Variants in HERC6 observed in about 807,000 individuals in gnomAD.
HERC6 encodes probable E3 ubiquitin-protein ligase HERC6.
HERC6 carries 101 observed loss-of-function variants against 114.5 expected under a neutral mutation model. That is an observed-to-expected ratio of 0.88 (90% CI 0.75 to 1.04). The LOEUF is 1.04. HERC6 is among the 50% of genes least tolerant of loss of function. The pLI is 0.00. For missense variants in HERC6, 1,133 were observed against 1,230.9 expected (o/e 0.92, Z 1.19); for synonymous variants, 408 against 436.2 (o/e 0.94, Z 0.81).
intron 8 of HERC6, among the ~76,000 whole-genome samples, chr4:88,401,181 G>C (rs1409302091): frequency 6.6e-6 from 1 of 152,058 alleles, no homozygotes; most frequent in African/African-American, 2.4e-5. Context: ...ACTGCGAGAG[G>C]GTTTCTCATG....
intron 8 of HERC6, among the ~76,000 whole-genome samples, chr4:88,402,964 G>C (rs990712679): frequency 6.6e-6 from 1 of 152,192 alleles, no homozygotes; most frequent in African/African-American, 2.4e-5. Context: ...TCTTCTTCAA[G>C]AGGTCTTTTA....
intron 3 of HERC6, among the ~76,000 whole-genome samples, 182 bp from the exon 4 acceptor site, chr4:88,390,470 C>T (rs948167264): frequency 6.6e-6 from 1 of 152,110 alleles, no homozygotes; most frequent in Non-Finnish European, 1.5e-5. Context: ...CTGATTGCGA[C>T]AATCATTTAA....
At chr4:88,405,705 A>C (rs535524835) in intron 10 of HERC6, 92 bp downstream of exon 10, 2 of 643,360 alleles carry the variant, frequency 3.1e-6, no homozygotes, top group Non-Finnish European at 4.9e-6. Flanking sequence ...GAATTTTGTT[A>C]TTCTTGCCCA....
chr4:88,428,797 T>C, intron 16 of HERC6, 47 bp downstream of exon 16: 1 of 1,391,518 alleles, frequency 7.2e-7, no homozygotes, highest in Non-Finnish European at 9.5e-7. Context: ...GTGGGAGGGA[T>C]GCATTCATAT....
intron 13 of HERC6, among the ~76,000 whole-genome samples, chr4:88,421,932 T>C (rs1464307340): frequency 6.6e-6 from 1 of 152,242 alleles, no homozygotes; most frequent in Non-Finnish European, 1.5e-5. Context: ...ATTTAGGTCT[T>C]TTGTCCATTT....
chr4:88,417,288 TA>T (rs1560553732), intron 12 of HERC6, 136 bp from the exon 13 acceptor site: 1 of 875,804 alleles, frequency 1.1e-6, no homozygotes, highest in Non-Finnish European at 1.7e-6. Flanking sequence ...AGGATATACT[TA>T]AAAAAGATAT....
At chr4:88,407,398 T>C (rs72663409) in intron 10 of HERC6, among the ~76,000 whole-genome samples, 1 of 151,634 alleles carries the variant, frequency 6.6e-6, no homozygotes, top group Admixed American at 6.6e-5. Flanking sequence ...TGTTTGTTTG[T>C]TTGGTTTTGT....
chr4:88,385,660 G>A (rs1578368548), intron 3 of HERC6, 85 bp downstream of exon 3: 3 of 655,472 alleles, frequency 4.6e-6, no homozygotes, highest in Middle Eastern at 2.5e-4. Flanking sequence ...AATGCACTGG[G>A]GTTCATTTAG....
At position 88,442,720 on chromosome 4, in the gene HERC6, T is replaced by TG. The variant is rs1483460256; in HGVS notation, c.*261dup. The TG allele has an allele frequency of 5.9e-6, 3 of 507,460 alleles. No homozygotes were observed. The highest frequency in any genetic ancestry group is 5.8e-5 in the African/African-American group (3 of 52,144). The allele number at this position is 507,460 out of a possible 1,614,324, so 31.4% of individuals were successfully genotyped here. On this transcript the variant is annotated 3_prime_UTR_variant, in exon 23 of 23. Coordinates refer to ENST00000264346, the MANE Select transcript of HERC6 (RefSeq NM_017912.4). ...ACTGAAGAGTCTGAACACTGGCCTG[T>TG]GATTGGTCCATTCCAGGACCTTCAT...
At chr4:88,393,401 A>C (rs1422162680) in intron 4 of HERC6, 87 bp from the exon 5 acceptor site, 5 of 618,706 alleles carry the variant, frequency 8.1e-6, no homozygotes, top group Non-Finnish European at 1.3e-5. Flanking sequence ...ACACAAAAAA[A>C]GAAATATAAA....
chr4:88,382,992 C>T (rs1560531059), intron 1 of HERC6, among the ~76,000 whole-genome samples: 1 of 152,112 alleles, frequency 6.6e-6, no homozygotes, highest in Non-Finnish European at 1.5e-5. Flanking sequence ...TGATAGTCTC[C>T]CTGTTGATTA....
At chr4:88,396,278 T>G in intron 6 of HERC6, 136 bp downstream of exon 6, 1 of 606,680 alleles carries the variant, frequency 1.6e-6, no homozygotes, top group Non-Finnish European at 2.5e-6. Flanking sequence ...AAATATAGTT[T>G]AATTTTTCAG....
rs143485545 is a variant in HERC6 at position 88,436,931 on chromosome 4, C to A, written c.2444C>A (p.Ala815Asp). The A allele has an allele frequency of 1.5e-3, 2,372 of 1,606,724 alleles. 31 individuals carry two copies. The African/African-American group carries it at 0.027, about 18-fold the overall frequency. Residue 815 changes from alanine (A) to aspartate (D), a missense_variant, in exon 19 of 23, where the codon GCT becomes GAT. Transcript: ENST00000264346. ...GKSLQEVLDD[A>D]ADDIGDALCI... is the part of the protein sequence containing the mutation. ...AGTTTGCAAGAAGTTCTAGATGATG[C>A]TGCTGATGACATTGGAGATGCGCTC...
chr4:88,399,271 G>A (rs1339805391), intron 8 of HERC6: 2 of 152,128 alleles, frequency 1.3e-5, no homozygotes, highest in African/African-American at 4.8e-5. Flanking sequence ...TGTGCTGTTG[G>A]GATAGTTAGG....
chr4:88,405,062 T>A, intron 9 of HERC6, 65 bp downstream of exon 9: 1 of 1,567,962 alleles, frequency 6.4e-7, no homozygotes, highest in Non-Finnish European at 8.6e-7. Flanking sequence ...CATTTTATCC[T>A]AAGATAGAGG....
intron 12 of HERC6, among the ~76,000 whole-genome samples, chr4:88,417,117 C>G (rs990596383): frequency 6.6e-6 from 1 of 151,806 alleles, no homozygotes; most frequent in South Asian, 2.1e-4. Flanking sequence ...TCATAGATAC[C>G]CTATACAATT....
intron 20 of HERC6, among the ~76,000 whole-genome samples, chr4:88,439,563 C>T (rs552672770): frequency 3.3e-5 from 5 of 152,056 alleles, no homozygotes; most frequent in Non-Finnish European, 2.9e-5. Flanking sequence ...GAATTTACCC[C>T]AAGGGCAATG....
chr4:88,379,229 GGGCGCGGGGGCCCA>G, intron 1 of HERC6, 109 bp downstream of exon 1: 1 of 879,470 alleles, frequency 1.1e-6, no homozygotes, highest in Non-Finnish European at 1.7e-6. Flanking sequence ...CCCGGGTGAG[GGGCGCGGGGGCCCA>G]GGTGCAGGGA....
chr4:88,383,470 T>C, intron 2 of HERC6, 90 bp downstream of exon 2: 1 of 1,043,378 alleles, frequency 9.6e-7, no homozygotes, highest in South Asian at 2.3e-5. Context: ...CAAAGACGAC[T>C]ATGACAGGCC....
Sources: allele counts gnomAD v4.1 joint callset (sites outside exome capture counted in the v4.1 genomes callset), GRCh38; gene constraint gnomAD v4.1.1; transcripts MANE v1.5; gene names NCBI Gene and HGNC (gene_info 2026-07-23, HGNC 2026-07-21).